The following TRAPPC9 variants were observed in gnomAD, a reference collection of about 807,000 sequenced individuals.
The protein encoded by TRAPPC9 is IKK2 binding protein.
In TRAPPC9, 83 loss-of-function variants were observed where a neutral mutation model predicts 124.0. That is an observed-to-expected ratio of 0.67 (90% confidence interval 0.56 to 0.80). The LOEUF (loss-of-function observed/expected upper bound fraction) is 0.80, where lower values mean the gene tolerates loss of function less well. Among genes scored for constraint, TRAPPC9 ranks in the 30% least tolerant of loss-of-function variants. TRAPPC9 has a pLI of 0.00. For synonymous variants in TRAPPC9, 638 were observed against 617.5 expected (o/e 1.03, Z -0.49); for missense variants, 1,302 against 1,508.3 (o/e 0.86, Z 2.27).
chr8:140,297,674 T>A (rs930605508), intron 11 of TRAPPC9, among the ~76,000 whole-genome samples: 7 of 152,220 alleles, frequency 4.6e-5, no homozygotes, highest in Non-Finnish European at 7.4e-5. Context: ...TTCCCCAGGG[T>A]CTGCGGGGCC....
At chr8:140,062,848 C>T (rs941474240) in intron 17 of TRAPPC9, among the ~76,000 whole-genome samples, 2 of 152,146 alleles carry the variant, frequency 1.3e-5, no homozygotes, top group Non-Finnish European at 2.9e-5. Flanking sequence ...CCCAGCACCC[C>T]GACTATCACA....
chr8:140,304,997 A>T (rs889779971), intron 10 of TRAPPC9, among the ~76,000 whole-genome samples: 1 of 152,192 alleles, frequency 6.6e-6, no homozygotes, highest in Admixed American at 6.5e-5. Flanking sequence ...CTTCATGGGG[A>T]TGTTGCTGAG....
At chr8:140,231,692 A>C (rs1193158424) in intron 16 of TRAPPC9, among the ~76,000 whole-genome samples, 1 of 143,436 alleles carries the variant, frequency 7.0e-6, no homozygotes, top group Non-Finnish European at 1.5e-5. Context: ...TTTTTAGTAG[A>C]GGCCCCTCTC....
intron 16 of TRAPPC9, among the ~76,000 whole-genome samples, chr8:140,245,893 G>A (rs546872139): frequency 1.8e-4 from 28 of 152,180 alleles, no homozygotes; most frequent in Admixed American, 1.6e-3. Context: ...TTACTGTCTC[G>A]ACTCATTAAT....
At chr8:140,035,483 A>G (rs371004143) in intron 17 of TRAPPC9, among the ~76,000 whole-genome samples, 2 of 152,352 alleles carry the variant, frequency 1.3e-5, no homozygotes, top group South Asian at 2.1e-4. Context: ...AACTGCTAGC[A>G]GGTCAGCAAG....
chr8:139,744,077 G>A (rs763072947), intron 21 of TRAPPC9, among the ~76,000 whole-genome samples: 1 of 152,168 alleles, frequency 6.6e-6, no homozygotes, highest in African/African-American at 2.4e-5. Context: ...TCACAGGTAC[G>A]CATGAACACG....
chr8:139,763,716 G>C lies in TRAPPC9; in HGVS notation c.3056-31514C>G, dbSNP rs574690403. On this transcript the variant is annotated intron_variant, in intron 21 of 22. Transcript: ENST00000438773. ...GATCATTCAGGTGCTGGTAAGCGGG[G>C]ACAGGATAAAGGGAGCTGGAGGCTG... 1.2e-3 allele frequency among the ~76,000 whole-genome samples: 186 copies of C among 152,366 alleles called. 1 individual carries two copies. The highest frequency in any genetic ancestry group is 4.3e-3 in the African/African-American group (179 of 41,590).
rs1229610141 is a variant in TRAPPC9, at chr8:140,018,082, A to G, written c.2699+5855T>C. Among the ~76,000 whole-genome samples the G allele has an allele frequency of 2.6e-5, 4 of 152,162 alleles. No individual in the cohort carries two copies. In the East Asian group the frequency reaches 7.7e-4, roughly 29 times the overall value. On this transcript the variant is annotated intron_variant, in intron 18 of 22. Transcript: ENST00000438773. ...CTGGTCTTGAACTCCTGACCTTGTG[A>G]TCCACCTGCCTCGGCCTCTCGAAGT... is the stretch of plus-strand genomic sequence containing the variant.
At chr8:140,238,861 T>C (rs2063787515) in intron 16 of TRAPPC9, among the ~76,000 whole-genome samples, 1 of 152,192 alleles carries the variant, frequency 6.6e-6, no homozygotes, top group Non-Finnish European at 1.5e-5. Context: ...GAGAGGCCCC[T>C]GCAGGGGAAG....
chr8:140,161,451 G>A (rs6986635), intron 17 of TRAPPC9, among the ~76,000 whole-genome samples: 129,446 of 151,876 alleles, frequency 0.85, 55,307 homozygotes, highest in East Asian at 1. Context: ...CTGCATATAC[G>A]TAATGAGCTA....
chr8:140,106,035 TAA>T (rs200155377), intron 17 of TRAPPC9, among the ~76,000 whole-genome samples: 32 of 96,506 alleles, frequency 3.3e-4, no homozygotes, highest in Middle Eastern at 5.7e-3. Context: ...AATGATGAAC[TAA>T]AAAAAAAAAA....
At chr8:139,841,392 A>C (rs1039298208) in intron 21 of TRAPPC9, among the ~76,000 whole-genome samples, 1 of 152,160 alleles carries the variant, frequency 6.6e-6, no homozygotes, top group African/African-American at 2.4e-5. Context: ...TGCCTAGCAC[A>C]TGGGGGCACA....
intron 17 of TRAPPC9, among the ~76,000 whole-genome samples, chr8:140,164,026 T>C (rs893988492): frequency 3.3e-5 from 5 of 152,248 alleles, no homozygotes; most frequent in African/African-American, 1.2e-4. Context: ...AAAATCTCTA[T>C]GCTGTGTAGC....
chr8:139,756,752 A>G (rs1191834043), intron 21 of TRAPPC9, among the ~76,000 whole-genome samples: 332 of 44,032 alleles, frequency 7.5e-3, no homozygotes, highest in Admixed American at 8.7e-3. Flanking sequence ...GTTGGGGTAT[A>G]AGGACAGCAG....
intron 18 of TRAPPC9, among the ~76,000 whole-genome samples, chr8:140,002,610 G>C (rs1587465637): frequency 6.6e-6 from 1 of 151,974 alleles, no homozygotes; most frequent in African/African-American, 2.4e-5. Flanking sequence ...TAGTAGTAAA[G>C]ACTTATTCTA....
At position 139,825,940 on chromosome 8, in the gene TRAPPC9, G is replaced by A. The variant is rs528555508; in HGVS notation, c.3055+59939C>T. ...GAGAGGTGAGCATCGGATATAACCC[G>A]CCCGTGGAACAGGCCATGATGAGGA... is the stretch of plus-strand genomic sequence containing the variant. On this transcript the variant is annotated intron_variant, in intron 21 of 22. Transcript: ENST00000438773. The surrounding 1 kb of genome is among the most constrained non-coding windows in gnomAD (Gnocchi z 4.6). 3.0e-4 allele frequency among the ~76,000 whole-genome samples: 45 copies of A among 152,292 alleles called. No homozygotes were observed. The highest frequency in any genetic ancestry group is 7.5e-4 in the African/African-American group (31 of 41,558).
chr8:139,915,072 G>A (rs570684298), intron 19 of TRAPPC9, among the ~76,000 whole-genome samples: 2 of 152,334 alleles, frequency 1.3e-5, no homozygotes, highest in Non-Finnish European at 2.9e-5. Context: ...GGAAACCCGC[G>A]CAGAACTGAC....
chr8:140,291,343 A>T, intron 11 of TRAPPC9: 1 of 532,042 alleles, frequency 1.9e-6, no homozygotes. Flanking sequence ...GCATCAGTCC[A>T]GATGGCACTG....
At chr8:140,385,589 C>T (rs1296343194) in intron 7 of TRAPPC9, among the ~76,000 whole-genome samples, 1 of 152,170 alleles carries the variant, frequency 6.6e-6, no homozygotes, top group Non-Finnish European at 1.5e-5. Flanking sequence ...AATTCCTGGA[C>T]ACATACACCC....
Sources: allele counts gnomAD v4.1 joint callset (sites outside exome capture counted in the v4.1 genomes callset), GRCh38; gene constraint gnomAD v4.1.1; non-coding constraint Gnocchi (gnomAD v3.1); transcripts MANE v1.5; gene names NCBI Gene and HGNC (gene_info 2026-07-23, HGNC 2026-07-21).